UGT1A8: variants seen among roughly 807,000 people sequenced by gnomAD.
The protein encoded by UGT1A8 is UDP-glucuronosyltransferase 1A8.
UGT1A8 carries 39 observed loss-of-function variants against 45.3 expected under a neutral mutation model. The ratio of observed to expected loss-of-function variants is 0.86; its 90% CI spans 0.67 to 1.12. The LOEUF is 1.12. Ranked by LOEUF, UGT1A8 falls within the 50% of genes most tolerant of loss-of-function variation. The pLI, the probability that UGT1A8 is intolerant of heterozygous loss-of-function variation, is 0.00. For synonymous variants in UGT1A8, 275 were observed against 249.2 expected, an observed-to-expected ratio of 1.10 and a Z score of -0.97; for missense variants, 719 against 664.9, an observed-to-expected ratio of 1.08 and a Z score of -0.90.
At position 233,737,636 on chromosome 2, in the gene UGT1A8, C is replaced by T. The variant is rs531826913; in HGVS notation, c.856-29398C>T. ...AAATGCAGAAATCATCCATCTTCTGCGTCGATCATGCTGGGAGCTGCAGAT... is the reference window on the plus strand; with the variant it reads ...AAATGCAGAAATCATCCATCTTCTGTGTCGATCATGCTGGGAGCTGCAGAT... On this transcript the variant is annotated intron_variant, in intron 1 of 4. Coordinates refer to ENST00000373450, the MANE Select transcript of UGT1A8 (RefSeq NM_019076.5). Among the ~76,000 whole-genome samples the T allele has an allele frequency of 5.3e-5, 8 of 152,322 alleles. No individual in the cohort carries two copies. In the East Asian group the frequency reaches 5.8e-4, roughly 11 times the overall value.
At chr2:233,651,958 C>G (rs2073753683) in intron 1 of UGT1A8, among the ~76,000 whole-genome samples, 1 of 151,858 alleles carries the variant, frequency 6.6e-6, no homozygotes, top group African/African-American at 2.4e-5. Flanking sequence ...GATAGCAGAT[C>G]ATCATTCAAG....
At chr2:233,656,987 T>A (rs1424551963) in intron 1 of UGT1A8, among the ~76,000 whole-genome samples, 2 of 152,032 alleles carry the variant, frequency 1.3e-5, no homozygotes, top group Middle Eastern at 3.2e-3. Context: ...AGCCTCCGCC[T>A]GCGTTAGGAC....
intron 2 of UGT1A8, among the ~76,000 whole-genome samples, chr2:233,767,541 T>C (rs1036019963): frequency 7.9e-4 from 120 of 152,396 alleles, no homozygotes; most frequent in African/African-American, 2.8e-3. Context: ...ATTTCTGCTC[T>C]TATAGTTCTG....
At chr2:233,705,239 T>C (rs1425135036) in intron 1 of UGT1A8, among the ~76,000 whole-genome samples, 1 of 152,242 alleles carries the variant, frequency 6.6e-6, no homozygotes, top group Non-Finnish European at 1.5e-5. Flanking sequence ...TTTTTCTGTA[T>C]GAATTCAGAT....
Position 233,760,956 on chromosome 2 carries a change from C to T in UGT1A8, c.856-6078C>T, listed in dbSNP as rs770299996. The T allele has an allele frequency of 1.7e-5, 27 of 1,614,098 alleles. No individual in the cohort carries two copies. Among genetic ancestry groups the T allele is most frequent in the African/African-American group, 2.7e-5 (2 of 74,934 alleles). ...TTGCCTTTTCACAGAACTTTCTGTG[C>T]GACGTGGTTTATTCCCCGTATGCAA... On this transcript the variant is annotated intron_variant, in intron 1 of 4. Coordinates refer to ENST00000373450, the MANE Select transcript of UGT1A8 (RefSeq NM_019076.5).
intron 1 of UGT1A8, among the ~76,000 whole-genome samples, chr2:233,650,619 A>C (rs2073715150): frequency 1.3e-5 from 2 of 152,124 alleles, no homozygotes; most frequent in South Asian, 4.2e-4. Context: ...TTTTCCCATT[A>C]ACTTTTTTTT....
chr2:233,769,481 G>C lies in UGT1A8; in HGVS notation c.1295+1042G>C. ...TTCATATGCGTGTGTGTGTGTGTGCGTGTGTTTATGAGAGTGTCCATTGCT... is the reference window on the plus strand; with the variant it reads ...TTCATATGCGTGTGTGTGTGTGTGCCTGTGTTTATGAGAGTGTCCATTGCT... On this transcript the variant is annotated intron_variant, in intron 4 of 4. Coordinates refer to ENST00000373450, the MANE Select transcript of UGT1A8 (RefSeq NM_019076.5). This position sits in a 1 kb window ranked among gnomAD's most constrained non-coding sequence, Gnocchi z 4.4. 6.2e-7 allele frequency: 1 copy of C among 1,612,192 alleles called. No homozygotes were observed. The highest frequency in any genetic ancestry group is 1.1e-5 in the South Asian group (1 of 91,012).
intron 1 of UGT1A8, among the ~76,000 whole-genome samples, chr2:233,675,390 T>C (rs2074319594): frequency 6.6e-6 from 1 of 152,204 alleles, no homozygotes. Context: ...CCTAGTCTTT[T>C]TGAATTTTTG....
chr2:233,738,126 G>C (rs1690706734), intron 1 of UGT1A8, among the ~76,000 whole-genome samples: 1 of 152,046 alleles, frequency 6.6e-6, no homozygotes, highest in Non-Finnish European at 1.5e-5. Flanking sequence ...TTTTATAAGG[G>C]GCCCTTATCC....
intron 1 of UGT1A8, among the ~76,000 whole-genome samples, chr2:233,631,696 T>C (rs1299294091): frequency 6.6e-6 from 1 of 152,198 alleles, no homozygotes; most frequent in Non-Finnish European, 1.5e-5. Flanking sequence ...TTTTTTCTTG[T>C]AAATTGGTTT....
intron 1 of UGT1A8, among the ~76,000 whole-genome samples, chr2:233,722,899 G>A (rs1015320069): frequency 7.8e-6 from 1 of 128,092 alleles, no homozygotes; most frequent in Non-Finnish European, 1.7e-5. Flanking sequence ...AGTGGAAGTG[G>A]ATCATCATAA....
chr2:233,710,141 G>C (rs1559356797), intron 1 of UGT1A8, among the ~76,000 whole-genome samples: 1 of 152,156 alleles, frequency 6.6e-6, no homozygotes, highest in Non-Finnish European at 1.5e-5. Context: ...TCATTGTATA[G>C]ATATATCATC....
intron 4 of UGT1A8, chr2:233,771,305 T>TC (rs1482676837): frequency 1.3e-5 from 2 of 152,218 alleles, no homozygotes. Context: ...TTCCTCCTCC[T>TC]TTTCCCTCTC....
intron 1 of UGT1A8, chr2:233,729,531 G>T (rs757870746): frequency 6.2e-7 from 1 of 1,614,140 alleles, no homozygotes. Context: ...TACATAATGA[G>T]GCCCTGATCA....
chr2:233,661,672 T>TTTCTTTCTTTCTTTCTTTCTTTCTTTCC (rs2073971681), intron 1 of UGT1A8, among the ~76,000 whole-genome samples: 3 of 148,016 alleles, frequency 2.0e-5, no homozygotes, highest in Non-Finnish European at 4.5e-5. Flanking sequence ...TCTTTCTTTC[T>TTTCTTTCTTTCTTTCTTTCTTTCTTTCC]TTCTTTCTTT....
chr2:233,686,615 C>T (rs1343567739), intron 1 of UGT1A8, among the ~76,000 whole-genome samples: 2 of 152,046 alleles, frequency 1.3e-5, no homozygotes, highest in Non-Finnish European at 2.9e-5. Context: ...TCTCTCTCTC[C>T]TTCAATCTAT....
At chr2:233,636,329 G>T in intron 1 of UGT1A8, 1 of 920,874 alleles carries the variant, frequency 1.1e-6, no homozygotes, top group Non-Finnish European at 1.5e-6. Flanking sequence ...ATACAAGTAG[G>T]TATCTCAGCA....
chr2:233,755,060 C>T, intron 1 of UGT1A8: 1 of 1,334,970 alleles, frequency 7.5e-7, no homozygotes, highest in Non-Finnish European at 1.0e-6. Context: ...CCGCCCTCGC[C>T]TCGCCATAGC....
intron 1 of UGT1A8, chr2:233,748,009 C>A: frequency 1.2e-6 from 2 of 1,613,492 alleles, no homozygotes; most frequent in Non-Finnish European, 1.7e-6. Flanking sequence ...ATGGATTACC[C>A]CAGGCCGATC....
Sources: gnomAD v4.1 joint callset for allele counts (sites outside exome capture counted in the v4.1 genomes callset) on GRCh38, gnomAD v4.1.1 for gene constraint, Gnocchi (gnomAD v3.1) non-coding constraint, MANE v1.5 for transcripts, NCBI Gene and HGNC (gene_info 2026-07-23, HGNC 2026-07-21) for gene names.